The following DKC1 variants were observed in gnomAD, a reference collection of about 807,000 sequenced individuals.
DKC1 encodes dyskerin pseudouridine synthase 1.
A neutral mutation model predicts 46.7 loss-of-function variants in DKC1; 4 were observed. That is an observed-to-expected ratio of 0.09 (90% CI 0.04 to 0.20). DKC1 has a LOEUF of 0.20. Ranked by LOEUF, DKC1 falls within the 10% of genes least tolerant of loss-of-function variation. The pLI is 1.00. For synonymous variants in DKC1, 141 were observed against 142.4 expected (o/e 0.99, Z 0.07); for missense variants, 171 against 404.2 (o/e 0.42, Z 4.95).
intron 11 of DKC1, 72 bp from the exon 12 acceptor site, chrX:154,774,530 A>C: frequency 1.1e-6 from 1 of 942,362 alleles, no homozygotes. Context: ...ACCTTGTTCT[A>C]TTCTTTGTAG....
intron 8 of DKC1, 43 bp from the exon 9 acceptor site, chrX:154,769,124 A>G: frequency 1.7e-6 from 2 of 1,201,797 alleles, no homozygotes; most frequent in Non-Finnish European, 2.3e-6. Flanking sequence ...ATGGGCTGAG[A>G]TACAAATAAA....
chrX:154,767,442 T>G, intron 7 of DKC1, 60 bp downstream of exon 7: 4 of 1,167,765 alleles, frequency 3.4e-6, no homozygotes, highest in Non-Finnish European at 4.7e-6. Context: ...GTTCTCTTAT[T>G]AAAAGTAGAT....
At chrX:154,776,744 G>C in intron 14 of DKC1, 55 bp from the exon 15 acceptor site, 1 of 1,119,426 alleles carries the variant, frequency 8.9e-7, no homozygotes, top group Non-Finnish European at 1.2e-6. Context: ...TTCTGGGAGA[G>C]TCATAGCTTT....
intron 13 of DKC1, among the ~76,000 whole-genome samples, chrX:154,775,986 C>T (rs970941894): frequency 1.8e-5 from 2 of 112,199 alleles, no homozygotes; most frequent in Non-Finnish European, 3.8e-5. Context: ...TTGTGCCTGC[C>T]TCAAGGCTTC....
chrX:154,762,907 G>C lies in DKC1; in HGVS notation c.-59G>C. On this transcript the variant is annotated 5_prime_UTR_variant, in exon 1 of 15. Coordinates refer to ENST00000369550, the MANE Select transcript of DKC1 (RefSeq NM_001363.5). ...CGGCCTGACGGGACCAAGGCGGCGG[G>C]AGTCTGCGGTCGTTCCCTCGGCTGT... 8.6e-7 allele frequency: 1 copy of C among 1,162,938 alleles called. No homozygotes were observed. The highest frequency in any genetic ancestry group is 1.2e-6 in the Non-Finnish European group (1 of 867,699).
At chrX:154,774,214 C>T (rs2071866129) in intron 11 of DKC1, among the ~76,000 whole-genome samples, 1 of 111,807 alleles carries the variant, frequency 8.9e-6, no homozygotes, top group Admixed American at 9.4e-5. Context: ...GTGTCTGTCA[C>T]CTGGAGTGTC....
intron 1 of DKC1, among the ~76,000 whole-genome samples, chrX:154,763,556 G>A (rs1272279374): frequency 8.9e-6 from 1 of 112,211 alleles, no homozygotes; most frequent in Non-Finnish European, 1.9e-5. Context: ...AAGCCGACAC[G>A]TGCAGTAGCC....
intron 8 of DKC1, among the ~76,000 whole-genome samples, 166 bp from the exon 9 acceptor site, chrX:154,768,993 CAAAAAAAA>C (rs1158256142): frequency 1.8e-4 from 3 of 16,336 alleles, no homozygotes; most frequent in South Asian, 3.6e-3. Context: ...GACTCCGTCT[CAAAAAAAA>C]AAAAAAAAAA....
At chrX:154,769,461 C>A in intron 9 of DKC1, 151 bp downstream of exon 9, 2 of 647,898 alleles carry the variant, frequency 3.1e-6, no homozygotes, top group Non-Finnish European at 4.7e-6. Context: ...GGTAGGCATA[C>A]TTAAAAATAA....
intron 11 of DKC1, among the ~76,000 whole-genome samples, chrX:154,773,924 CG>C (rs1159009042): frequency 6.9e-4 from 74 of 107,445 alleles, no homozygotes; most frequent in South Asian, 2.8e-3. Flanking sequence ...GCTGGCCGGG[CG>C]GGGGGGCTGA....
chrX:154,763,554 A>T (rs1363113378), intron 1 of DKC1, among the ~76,000 whole-genome samples: 1 of 112,236 alleles, frequency 8.9e-6, no homozygotes, highest in Non-Finnish European at 1.9e-5. Context: ...GGAAGCCGAC[A>T]CGTGCAGTAG....
Position 154,764,169 on chromosome X carries a change from T to TA in DKC1, c.17-730_17-729insA, listed in dbSNP as rs781994908. Among the ~76,000 whole-genome samples, 14 of 105,859 alleles carry TA rather than the reference T, an allele frequency of 1.3e-4. No individual in the cohort carries two copies. The South Asian group carries it at 5.3e-3, about 40-fold the overall frequency. 91.9% of individuals were successfully genotyped at this position (105,859 alleles called of 115,157 possible). A position where few individuals can be genotyped will look rare whatever the true frequency, so the allele number is the denominator to read the frequency against. On this transcript the variant is annotated intron_variant, in intron 1 of 14. Coordinates refer to ENST00000369550, the MANE Select transcript of DKC1 (RefSeq NM_001363.5). ...GTGTGACCGTCTCAAAAAAAAAAAA[T>TA]TATATATATATATAAATATGTGTGT... is the stretch of plus-strand genomic sequence containing the variant.
chrX:154,767,223 G>C (rs370024967), intron 6 of DKC1, 33 bp from the exon 7 acceptor site: 58 of 1,209,558 alleles, frequency 4.8e-5, no homozygotes, highest in Non-Finnish European at 6.0e-5. Context: ...ACATTCTGAT[G>C]AGGTGTTTGT....
chrX:154,766,206 T>C lies in DKC1; in HGVS notation c.264-10T>C, dbSNP rs1341269216. Reference sequence around the variant, plus strand: ...GGGTGATACATTAATTTTTTTTTTTTCCATTCCAGGACAGGTTTCATTAAT... The same window carrying C: ...GGGTGATACATTAATTTTTTTTTTTCCCATTCCAGGACAGGTTTCATTAAT... On this transcript the variant is annotated splice_polypyrimidine_tract_variant and intron_variant, in intron 4 of 14. Coordinates refer to ENST00000369550, the MANE Select transcript of DKC1 (RefSeq NM_001363.5). The C allele has an allele frequency of 5.8e-6, 7 of 1,203,386 alleles. No homozygotes were observed. The highest frequency in any genetic ancestry group is 3.5e-5 in the South Asian group (2 of 56,604).
intron 14 of DKC1, 55 bp downstream of exon 14, chrX:154,776,379 A>G: frequency 8.7e-7 from 1 of 1,150,758 alleles, no homozygotes; most frequent in Non-Finnish European, 1.2e-6. Context: ...GCGTGGGGAA[A>G]GAATTACCCA....
intron 11 of DKC1, among the ~76,000 whole-genome samples, chrX:154,774,208 C>CTT (rs1218958893): frequency 8.9e-6 from 1 of 111,904 alleles, no homozygotes; most frequent in Non-Finnish European, 1.9e-5. Flanking sequence ...AGAGAGGTGT[C>CTT]TGTCACCTGG....
intron 9 of DKC1, among the ~76,000 whole-genome samples, chrX:154,769,848 T>C (rs2071799478): frequency 8.9e-6 from 1 of 111,915 alleles, no homozygotes; most frequent in Non-Finnish European, 1.9e-5. Context: ...TGTGATGTCC[T>C]CTCCTTATCA....
At chrX:154,772,489 G>A (rs1603429604) in intron 10 of DKC1, among the ~76,000 whole-genome samples, 1 of 112,234 alleles carries the variant, frequency 8.9e-6, no homozygotes, top group Non-Finnish European at 1.9e-5. Context: ...GGTTACTGTA[G>A]CTCTATACTA....
chrX:154,768,993 CAAAAAAAAAAAAA>C (rs1158256142), intron 8 of DKC1, among the ~76,000 whole-genome samples, 161 bp from the exon 9 acceptor site: 2 of 16,349 alleles, frequency 1.2e-4, no homozygotes, highest in African/African-American at 3.1e-4. Flanking sequence ...GACTCCGTCT[CAAAAAAAAAAAAA>C]AAAAAAAAAA....
Sources: allele counts gnomAD v4.1 joint callset (sites outside exome capture counted in the v4.1 genomes callset), GRCh38; gene constraint gnomAD v4.1.1; transcripts MANE v1.5; gene names NCBI Gene and HGNC (gene_info 2026-07-23, HGNC 2026-07-21).